MIB1: variants seen among roughly 807,000 people sequenced by gnomAD.
The protein encoded by MIB1 is MIB E3 ubiquitin protein ligase 1, also known as E3 ubiquitin-protein ligase MIB1.
In MIB1, 278 loss-of-function variants were observed where a neutral mutation model predicts 124.5. The ratio of observed to expected loss-of-function variants is 2.23; its 90% CI spans 2.02 to 2.47. The LOEUF is 2.47. MIB1 is among the 30% of genes most tolerant of loss of function. The pLI, the probability that MIB1 is intolerant of heterozygous loss-of-function variation, is 0.00. For synonymous variants in MIB1, 446 were observed against 429.4 expected (o/e 1.04, Z -0.48); for missense variants, 957 against 1,254.4 (o/e 0.76, Z 3.58).
chr18:21,808,784 A>C (rs2041737884), intron 10 of MIB1, among the ~76,000 whole-genome samples: 1 of 151,960 alleles, frequency 6.6e-6, no homozygotes, highest in Non-Finnish European at 1.5e-5. Flanking sequence ...CGTGGACTCT[A>C]TTTTTTTCCC....
At chr18:21,800,060 C>A in intron 9 of MIB1, 86 bp downstream of exon 9, 1 of 1,063,996 alleles carries the variant, frequency 9.4e-7, no homozygotes. Context: ...AAGATTTTGC[C>A]AGATGTGCTT....
intron 2 of MIB1, among the ~76,000 whole-genome samples, chr18:21,766,725 A>T (rs893035568): frequency 2.0e-5 from 3 of 152,110 alleles, no homozygotes; most frequent in African/African-American, 7.2e-5. Flanking sequence ...ATTAAAATTA[A>T]GGAATAATAA....
At chr18:21,853,377 C>G (rs571065721) in intron 18 of MIB1, among the ~76,000 whole-genome samples, 159 bp downstream of exon 18, 3 of 152,298 alleles carry the variant, frequency 2.0e-5, no homozygotes, top group African/African-American at 7.2e-5. Context: ...ACTAGAACGT[C>G]AGCTGTTTCC....
chr18:21,718,202 C>T (rs185325159), intron 1 of MIB1, among the ~76,000 whole-genome samples: 1 of 151,708 alleles, frequency 6.6e-6, no homozygotes, highest in Admixed American at 6.6e-5. Context: ...GATGCAAAGG[C>T]ATAATAATGA....
chr18:21,735,337 C>T (rs534960455), intron 1 of MIB1, among the ~76,000 whole-genome samples: 2 of 152,334 alleles, frequency 1.3e-5, no homozygotes, highest in South Asian at 4.1e-4. Context: ...TACTCCGGAT[C>T]AGATACTGTG....
chr18:21,746,853 C>T (rs1173045051), intron 1 of MIB1, among the ~76,000 whole-genome samples: 1 of 152,056 alleles, frequency 6.6e-6, no homozygotes. Context: ...GAATGCCTCT[C>T]CAGTCATACG....
chr18:21,808,723 G>A (rs954167132), intron 10 of MIB1, among the ~76,000 whole-genome samples: 3 of 152,108 alleles, frequency 2.0e-5, no homozygotes, highest in Non-Finnish European at 2.9e-5. Context: ...AGGCATCAAG[G>A]ACTATGATAT....
chr18:21,771,047 C>T (rs930857242), intron 3 of MIB1, among the ~76,000 whole-genome samples: 1 of 152,118 alleles, frequency 6.6e-6, no homozygotes, highest in Non-Finnish European at 1.5e-5. Flanking sequence ...TATAAAGGGG[C>T]ACATAAAGTC....
intron 5 of MIB1, 140 bp downstream of exon 5, chr18:21,778,309 T>C (rs2041316122): frequency 1.9e-6 from 1 of 531,492 alleles, no homozygotes. Context: ...TCCTTTGGTC[T>C]TAAAGTATTT....
chr18:21,786,249 A>C (rs1247279737), intron 6 of MIB1, among the ~76,000 whole-genome samples: 1 of 151,998 alleles, frequency 6.6e-6, no homozygotes, highest in Non-Finnish European at 1.5e-5. Context: ...GGCGCCTGCC[A>C]CGACACCTGG....
intron 1 of MIB1, among the ~76,000 whole-genome samples, chr18:21,750,168 T>C (rs1004996134): frequency 6.6e-6 from 1 of 152,106 alleles, no homozygotes; most frequent in Admixed American, 6.6e-5. Context: ...CTCACTCTGT[T>C]GCCCAGGCTG....
chr18:21,860,399 C>T (rs559300424), intron 20 of MIB1, among the ~76,000 whole-genome samples: 1 of 152,078 alleles, frequency 6.6e-6, no homozygotes, highest in South Asian at 2.1e-4. Flanking sequence ...CTGTGCCTGG[C>T]TGTTCTTTAC....
Position 21,791,447 on chromosome 18 carries a change from G to T in MIB1, c.982G>T (p.Gly328Ter), listed in dbSNP as rs1363189425. ...TGGAGATGCTGCTCAGGGTGCAGAAGGAGGCACCTCGCAGTTTCAAGTGGG... is the reference window on the plus strand; with the variant it reads ...TGGAGATGCTGCTCAGGGTGCAGAATGAGGCACCTCGCAGTTTCAAGTGGG... ...RSGDAAQGAE[G>*]GTSQFQVGDL... is the part of the protein sequence containing the mutation. Residue 328 changes from glycine (G) to a stop codon, truncating the protein, a stop_gained, in exon 7 of 21, where the codon GGA becomes TGA. Transcript: ENST00000261537. LOFTEE classifies it high-confidence loss of function. 6.2e-7 allele frequency: 1 copy of T among 1,614,054 alleles called. No individual in the cohort carries two copies. Among genetic ancestry groups the T allele is most frequent in the East Asian group, 2.2e-5 (1 of 44,872 alleles).
chr18:21,870,202 A>G lies in MIB1; in HGVS notation c.*5536A>G, dbSNP rs1370560110. The G allele has an allele frequency of 6.6e-6, 1 of 152,556 alleles. No homozygotes were observed. The highest frequency in any genetic ancestry group is 6.5e-5 in the Admixed American group (1 of 15,272). 9.5% of individuals were successfully genotyped at this position (152,556 alleles called of 1,614,324 possible). A position where few individuals can be genotyped will look rare whatever the true frequency, so the allele number is the denominator to read the frequency against. On this transcript the variant is annotated 3_prime_UTR_variant, in exon 21 of 21. Coordinates refer to ENST00000261537, the MANE Select transcript of MIB1 (RefSeq NM_020774.4). The stretch of plus-strand genomic sequence containing the variant: ...GCTTTTCTTTGATCTTTGGAGAATT[A>G]TTCTTTTATAGTAGTATACATGAAT...
upstream of MIB1, among the ~76,000 whole-genome samples, chr18:21,738,708 G>A (rs1420500236): frequency 1.3e-5 from 2 of 150,876 alleles, no homozygotes; most frequent in African/African-American, 4.9e-5. Flanking sequence ...TCGGGAGGCT[G>A]AGTCAGGAGA....
chr18:21,861,261 A>C (rs992716883), intron 20 of MIB1, among the ~76,000 whole-genome samples: 6 of 152,068 alleles, frequency 3.9e-5, no homozygotes, highest in African/African-American at 1.4e-4. Flanking sequence ...AAAACATTTA[A>C]TATATCTAAT....
chr18:21,864,559 AAT>A lies in MIB1; in HGVS notation c.2917_2918del (p.Met973AspfsTer18). The A allele has an allele frequency of 6.2e-7, 1 of 1,613,648 alleles. No homozygotes were observed. Among genetic ancestry groups the A allele is most frequent in the South Asian group, 1.1e-5 (1 of 91,062 alleles). On this transcript the variant is annotated frameshift_variant, in exon 21 of 21. Transcript: ENST00000261537. LOFTEE classifies it high-confidence loss of function. ...CCCTGTGTGTCTAGATCGTCTGAAG[AAT>A]ATGATTTTCCTTTGTGGTCACGGAA... ...MCPVCLDRLKNMIFLCGHGTC... is the reference protein window; with the variant it reads ...MCPVCLDRLKXMIFLCGHGTC...
intron 12 of MIB1, chr18:21,825,683 G>C: frequency 1.9e-6 from 1 of 530,224 alleles, no homozygotes; most frequent in Non-Finnish European, 3.9e-6. Context: ...GAAAACGTTG[G>C]TTGTCCCGTA....
In MIB1 at chr18:21,768,665, C is replaced by A; in HGVS notation, c.444C>A (p.Ala148=). 2 of 1,600,476 alleles carry A rather than the reference C, an allele frequency of 1.2e-6. No individual in the cohort carries two copies. The highest frequency in any genetic ancestry group is 1.7e-6 in the Non-Finnish European group (2 of 1,172,672). Residue 148 remains alanine, a synonymous_variant, in exon 3 of 21, where the codon GCC becomes GCA. Coordinates refer to ENST00000261537, the MANE Select transcript of MIB1 (RefSeq NM_020774.4). ...GTAGGAAATCTAAGAAGATTACAGC[C>A]AGAGGAATCTTTGCAGGTGCCAGAG... ...ESRRKSKKIT[A]RGIFAGARVV... is the part of the protein sequence containing the mutation.
Sources: allele counts gnomAD v4.1 joint callset (sites outside exome capture counted in the v4.1 genomes callset), GRCh38; gene constraint gnomAD v4.1.1; transcripts MANE v1.5; gene names NCBI Gene and HGNC (gene_info 2026-07-23, HGNC 2026-07-21).